The following NEK5 variants were observed in gnomAD, a reference collection of about 807,000 sequenced individuals.
NEK5 encodes NIMA related kinase 5, also known as serine/threonine-protein kinase Nek5.
NEK5 carries 88 observed loss-of-function variants against 109.2 expected under a neutral mutation model. The ratio of observed to expected loss-of-function variants is 0.81; its 90% confidence interval spans 0.68 to 0.96. The LOEUF is 0.96. NEK5 is among the 40% of genes least tolerant of loss of function. The pLI is 0.00. For synonymous variants in NEK5, 283 were observed against 299.9 expected, an observed-to-expected ratio of 0.94 and a Z score of 0.58; for missense variants, 834 against 920.7, an observed-to-expected ratio of 0.91 and a Z score of 1.22.
intron 3 of NEK5, among the ~76,000 whole-genome samples, chr13:52,119,616 T>C (rs1318720021): frequency 6.6e-6 from 1 of 152,182 alleles, no homozygotes. Context: ...TTGACAACCA[T>C]CATCAAGAAA....
chr13:52,116,293 C>G (rs1361135620), intron 4 of NEK5, among the ~76,000 whole-genome samples: 6 of 151,924 alleles, frequency 3.9e-5, no homozygotes, highest in Non-Finnish European at 7.4e-5. Flanking sequence ...TTTTAGAATA[C>G]CTTAACCAAC....
rs1406463737 is a variant in NEK5, at chr13:52,034,423, G to A, written c.*2525C>T. On this transcript the variant is annotated 3_prime_UTR_variant, in exon 24 of 24. Coordinates refer to ENST00000684899, the MANE Select transcript of NEK5 (RefSeq NM_001365552.1). ...AAAGAATTCAAAATTGTTGAGTAAA[G>A]CTTGGTGACTATTACCTAAAATAGA... The A allele has an allele frequency of 6.6e-6, 1 of 151,550 alleles. No individual in the cohort carries two copies. The highest frequency in any genetic ancestry group is 1.5e-5 in the Non-Finnish European group (1 of 67,984). The allele number at this position is 151,550 out of a possible 1,614,324, so 9.4% of individuals were successfully genotyped here.
chr13:52,106,361 C>G (rs1955655498), intron 8 of NEK5, among the ~76,000 whole-genome samples: 1 of 152,182 alleles, frequency 6.6e-6, no homozygotes. Context: ...ACTCAATCTT[C>G]CTTATCGCCA....
At position 52,055,319 on chromosome 13, in the gene NEK5, C is replaced by A. The variant is rs576340652; in HGVS notation, c.2111-5098G>T. Among the ~76,000 whole-genome samples the A allele has an allele frequency of 4.0e-3, 614 of 152,260 alleles. 3 individuals are homozygous for A. Among genetic ancestry groups the A allele is most frequent in the African/African-American group, 0.013 (553 of 41,568 alleles). ...CTATGTGAAAAGACCAAATCTACGT[C>A]TGATTGGTGTACCTGAAAGTGATGG... On this transcript the variant is annotated intron_variant, in intron 22 of 23. Transcript: ENST00000684899.
intron 20 of NEK5, among the ~76,000 whole-genome samples, chr13:52,067,861 T>G (rs956099500): frequency 3.9e-5 from 6 of 151,956 alleles, no homozygotes; most frequent in East Asian, 1.9e-4. Flanking sequence ...CTGGCTAATT[T>G]TTGTATTTTT....
At chr13:52,064,149 G>A (rs1189025625) in intron 21 of NEK5, among the ~76,000 whole-genome samples, 1 of 145,758 alleles carries the variant, frequency 6.9e-6, no homozygotes, top group African/African-American at 2.5e-5. Context: ...CCCTCTGCCT[G>A]GCCAGCCGCC....
intron 4 of NEK5, among the ~76,000 whole-genome samples, chr13:52,117,416 A>G (rs1228641776): frequency 6.6e-6 from 1 of 152,220 alleles, no homozygotes; most frequent in Admixed American, 6.5e-5. Context: ...CAATAGCTCT[A>G]GCTTTCCTAA....
rs1955494016 is a variant in NEK5 at position 52,099,830 on chromosome 13, T to C, written c.939A>G (p.Arg313=). The change falls in exon 12 of 24, where the codon AGA becomes AGG. Residue 313 remains arginine (R), a synonymous_variant. Coordinates refer to ENST00000684899, the MANE Select transcript of NEK5 (RefSeq NM_001365552.1). The stretch of plus-strand genomic sequence containing the variant: ...TTTTAATTGGCACAGATATCCTTGA[T>C]CTTGGTGGGCACTTTCCCTGGAATC... ...KVRFQGKCPP[R]SRISVPIKRN... The C allele has an allele frequency of 1.2e-6, 2 of 1,613,830 alleles. No individual in the cohort carries two copies. The highest frequency in any genetic ancestry group is 1.7e-6 in the Non-Finnish European group (2 of 1,179,818).
intron 3 of NEK5, among the ~76,000 whole-genome samples, chr13:52,119,825 C>T (rs1955934885): frequency 6.6e-6 from 1 of 152,088 alleles, no homozygotes; most frequent in Non-Finnish European, 1.5e-5. Context: ...TGTCATATCC[C>T]ACAGAAATCA....
intron 22 of NEK5, among the ~76,000 whole-genome samples, chr13:52,055,928 A>T (rs1176146314): frequency 3.3e-5 from 5 of 152,250 alleles, no homozygotes; most frequent in East Asian, 3.9e-4. Context: ...TAATGACAGG[A>T]TCAAATTCAC....
intron 20 of NEK5, among the ~76,000 whole-genome samples, chr13:52,067,145 T>C (rs1954704369): frequency 6.6e-6 from 1 of 152,228 alleles, no homozygotes; most frequent in Non-Finnish European, 1.5e-5. Context: ...CATTTGGAAA[T>C]GTAAGTACCA....
At chr13:52,104,210 G>A (rs1348523297) in intron 9 of NEK5, among the ~76,000 whole-genome samples, 7 of 152,036 alleles carry the variant, frequency 4.6e-5, no homozygotes, top group African/African-American at 9.7e-5. Flanking sequence ...TGATCCACCC[G>A]CCTCAGCCTC....
intron 3 of NEK5, among the ~76,000 whole-genome samples, chr13:52,127,129 C>T (rs1956078863): frequency 6.6e-6 from 1 of 152,154 alleles, no homozygotes; most frequent in Non-Finnish European, 1.5e-5. Flanking sequence ...CACAATCCTC[C>T]CACCTTGGCC....
chr13:52,089,927 A>C (rs375333108), intron 13 of NEK5, among the ~76,000 whole-genome samples: 2 of 151,674 alleles, frequency 1.3e-5, no homozygotes, highest in East Asian at 1.9e-4. Flanking sequence ...GCACCACTGC[A>C]CTCCAGCCTG....
chr13:52,101,561 T>C (rs1180839138), intron 11 of NEK5, among the ~76,000 whole-genome samples: 1 of 152,196 alleles, frequency 6.6e-6, no homozygotes, highest in Non-Finnish European at 1.5e-5. Flanking sequence ...TGCCAGTCTA[T>C]CCTCTTTTAG....
chr13:52,101,234 T>TA (rs1277459114), intron 11 of NEK5, among the ~76,000 whole-genome samples: 2 of 151,866 alleles, frequency 1.3e-5, no homozygotes, highest in African/African-American at 2.4e-5. Flanking sequence ...TCGTCTCTAC[T>TA]AAAAAAATAC....
At chr13:52,084,760 AGAGTGTGTGTGTGTGTGTGTGTGTGTGT>A (rs1955100902) in intron 16 of NEK5, among the ~76,000 whole-genome samples, 3 of 36,568 alleles carry the variant, frequency 8.2e-5, no homozygotes, top group African/African-American at 1.4e-4. Flanking sequence ...AGAGAGAGAG[AGAGTGTGTGTGTGTGTGTGTGTGTGTGT>A]GTGTGTGTGT....
chr13:52,106,906 CAG>C (rs1955666997), intron 8 of NEK5, among the ~76,000 whole-genome samples: 1 of 152,066 alleles, frequency 6.6e-6, no homozygotes, highest in Non-Finnish European at 1.5e-5. Flanking sequence ...CTGAAGCCCA[CAG>C]AGGTCAACTG....
At position 52,112,372 on chromosome 13, in the gene NEK5, G is replaced by T. The variant is rs771131491; in HGVS notation, c.215-7C>A. 4.5e-6 allele frequency: 7 copies of T among 1,559,846 alleles called. No homozygotes were observed. The highest frequency in any genetic ancestry group is 6.2e-6 in the Non-Finnish European group (7 of 1,131,560). ...ATAAACAGCCTGCCATTCTCTGTAAGAAAAGGAATCATTTGGTGCTGGAAG... is the reference window on the plus strand; with the variant it reads ...ATAAACAGCCTGCCATTCTCTGTAATAAAAGGAATCATTTGGTGCTGGAAG... On this transcript the variant is annotated splice_polypyrimidine_tract_variant and splice_region_variant and intron_variant, in intron 4 of 23. Transcript: ENST00000684899.
Sources: gnomAD v4.1 joint callset for allele counts (sites outside exome capture counted in the v4.1 genomes callset) on GRCh38, gnomAD v4.1.1 for gene constraint, MANE v1.5 for transcripts, NCBI Gene and HGNC (gene_info 2026-07-23, HGNC 2026-07-21) for gene names.